CHODL: variants seen among roughly 807,000 people sequenced by gnomAD.
CHODL encodes the protein chondrolectin, also known as transmembrane protein MT75.
Under a neutral mutation model 34.5 loss-of-function variants are expected in CHODL, and 29 were observed. That is an observed-to-expected ratio of 0.84 (90% CI 0.63 to 1.15). The LOEUF (loss-of-function observed/expected upper bound fraction) is 1.15, where lower values mean the gene tolerates loss of function less well. CHODL is among the 50% of genes most tolerant of loss of function. CHODL has a pLI of 0.00. For missense variants in CHODL, 332 were observed against 332.5 expected (o/e 1.00, Z 0.01); for synonymous variants, 125 against 116.1 (o/e 1.08, Z -0.49).
At chr21:17,966,853 A>G (rs181908853) in intron 1 of CHODL, among the ~76,000 whole-genome samples, 7 of 150,752 alleles carry the variant, frequency 4.6e-5, no homozygotes, top group African/African-American at 1.5e-4. Context: ...CCTCAATGAA[A>G]TCTTTGCTTT....
At chr21:18,104,912 C>T (rs1227767529) in intron 2 of CHODL, among the ~76,000 whole-genome samples, 1 of 152,158 alleles carries the variant, frequency 6.6e-6, no homozygotes, top group African/African-American at 2.4e-5. Context: ...TTTCTCCTTC[C>T]CTAATGGTGC....
At chr21:18,068,915 A>G (rs959234519) in intron 2 of CHODL, among the ~76,000 whole-genome samples, 1 of 151,998 alleles carries the variant, frequency 6.6e-6, no homozygotes, top group African/African-American at 2.4e-5. Context: ...ACAAAGAATC[A>G]TTTTACTCAC....
chr21:18,079,982 A>G lies in CHODL; in HGVS notation c.-45+52011A>G, dbSNP rs543844088. On this transcript the variant is annotated intron_variant, in intron 2 of 6. Coordinates refer to the CHODL transcript ENST00000400127. Reference sequence around the variant, plus strand: ...GTATAAGCATTCTCTTTTTCTCTGCATCCCTGCCAACATCTATTGTTTTCT... The same window carrying G: ...GTATAAGCATTCTCTTTTTCTCTGCGTCCCTGCCAACATCTATTGTTTTCT... Among the ~76,000 whole-genome samples the G allele has an allele frequency of 8.5e-5, 13 of 152,188 alleles. No homozygotes were observed. The South Asian group carries it at 2.5e-3, about 29-fold the overall frequency.
chr21:18,251,422 T>TA (rs1171485871), intron 1 of CHODL, among the ~76,000 whole-genome samples: 2 of 126,522 alleles, frequency 1.6e-5, no homozygotes, highest in African/African-American at 3.1e-5. Flanking sequence ...TTATTTATTT[T>TA]ATTTATTTAT....
intron 2 of CHODL, among the ~76,000 whole-genome samples, chr21:18,090,729 A>AG (rs2065062812): frequency 1.7e-5 from 1 of 57,234 alleles, no homozygotes; most frequent in South Asian, 3.6e-4. Flanking sequence ...ATTTCCAGAA[A>AG]AAAAAAAAAA....
intron 3 of CHODL, among the ~76,000 whole-genome samples, chr21:18,257,942 T>A (rs923484555): frequency 6.6e-6 from 1 of 152,132 alleles, no homozygotes; most frequent in South Asian, 2.1e-4. Context: ...GGCTTTGAGA[T>A]TTTTTTTGCT....
At chr21:18,039,351 T>C (rs1165550772) in intron 2 of CHODL, among the ~76,000 whole-genome samples, 1 of 151,670 alleles carries the variant, frequency 6.6e-6, no homozygotes, top group Admixed American at 6.6e-5. Context: ...GGGGTAGGGA[T>C]TGTGGTAGGG....
intron 3 of CHODL, among the ~76,000 whole-genome samples, chr21:18,259,464 G>T (rs1377542070): frequency 6.6e-6 from 1 of 152,116 alleles, no homozygotes; most frequent in African/African-American, 2.4e-5. Flanking sequence ...ACCGCACCAT[G>T]GCACACGTTT....
intron 2 of CHODL, among the ~76,000 whole-genome samples, chr21:18,078,944 T>C (rs1052256954): frequency 6.6e-6 from 1 of 152,190 alleles, no homozygotes; most frequent in Non-Finnish European, 1.5e-5. Flanking sequence ...TCACAGCCCA[T>C]GTTCATATCC....
intron 2 of CHODL, among the ~76,000 whole-genome samples, chr21:18,086,533 G>T (rs1398602862): frequency 6.6e-6 from 1 of 152,036 alleles, no homozygotes; most frequent in African/African-American, 2.4e-5. Context: ...ATATGTTGTT[G>T]ATTCAGTAGT....
intron 2 of CHODL, among the ~76,000 whole-genome samples, chr21:18,167,370 T>C (rs1011153897): frequency 2.0e-5 from 3 of 148,028 alleles, no homozygotes; most frequent in African/African-American, 7.6e-5. Context: ...AGTGCAGTGG[T>C]GTGATCTCAG....
At chr21:18,212,585 G>C (rs1221463250) in intron 2 of CHODL, among the ~76,000 whole-genome samples, 2 of 149,554 alleles carry the variant, frequency 1.3e-5, no homozygotes, top group East Asian at 3.9e-4. Flanking sequence ...TAAAGCCACA[G>C]CTAAACAATT....
intron 2 of CHODL, among the ~76,000 whole-genome samples, chr21:18,158,162 G>T (rs1021707140): frequency 6.6e-6 from 1 of 151,134 alleles, no homozygotes; most frequent in Admixed American, 6.6e-5. Flanking sequence ...TAGTGAAAAT[G>T]GAAGACAATT....
chr21:18,095,692 CAG>C (rs1296874866), intron 2 of CHODL, among the ~76,000 whole-genome samples: 1 of 152,116 alleles, frequency 6.6e-6, no homozygotes, highest in Non-Finnish European at 1.5e-5. Context: ...GCAGACAAGA[CAG>C]ATTCAAAAAA....
At chr21:18,147,044 A>G (rs1301477503) in intron 2 of CHODL, among the ~76,000 whole-genome samples, 1 of 152,130 alleles carries the variant, frequency 6.6e-6, no homozygotes, top group East Asian at 1.9e-4. Context: ...TGGCAAAGAG[A>G]AAGGAGCTTC....
intron 1 of CHODL, among the ~76,000 whole-genome samples, chr21:17,995,103 C>T (rs2063836205): frequency 6.6e-6 from 1 of 152,056 alleles, no homozygotes; most frequent in South Asian, 2.1e-4. Flanking sequence ...CTCTGGGTAG[C>T]CACAGAGGGA....
chr21:17,942,849 A>G (rs1418537952), intron 1 of CHODL, among the ~76,000 whole-genome samples: 1 of 152,176 alleles, frequency 6.6e-6, no homozygotes, highest in East Asian at 1.9e-4. Flanking sequence ...ACCCGGTAGA[A>G]GGTGATTGGA....
intron 1 of CHODL, among the ~76,000 whole-genome samples, chr21:17,934,449 C>G (rs575188372): frequency 6.6e-6 from 1 of 152,154 alleles, no homozygotes; most frequent in African/African-American, 2.4e-5. Flanking sequence ...CTCTCTCTCC[C>G]TATTAGTATA....
upstream of CHODL, among the ~76,000 whole-genome samples, chr21:18,242,916 T>C (rs1479479972): frequency 6.6e-6 from 1 of 152,194 alleles, no homozygotes; most frequent in Non-Finnish European, 1.5e-5. Flanking sequence ...TACTGATATA[T>C]AGGAATATCT....
Sources: allele counts gnomAD v4.1 joint callset (sites outside exome capture counted in the v4.1 genomes callset), GRCh38; gene constraint gnomAD v4.1.1; transcripts MANE v1.5; gene names NCBI Gene and HGNC (gene_info 2026-07-23, HGNC 2026-07-21).